Variants in FAM83D observed in about 807,000 individuals in gnomAD.
The protein encoded by FAM83D is protein FAM83D.
Under a neutral mutation model 25.4 loss-of-function variants are expected in FAM83D, and 26 were observed. The observed-to-expected ratio is 1.02, with a 90% CI of 0.75 to 1.42. The LOEUF (loss-of-function observed/expected upper bound fraction) is 1.42. Ranked by LOEUF, FAM83D falls within the 40% of genes most tolerant of loss-of-function variation. The probability of loss-of-function intolerance (pLI) is 0.00; values close to 1 mark genes in which losing one functional copy is unlikely to be tolerated. For missense variants in FAM83D, 740 were observed against 758.1 expected, an observed-to-expected ratio of 0.98 and a Z score of 0.28; for synonymous variants, 310 against 318.5, an observed-to-expected ratio of 0.97 and a Z score of 0.28.
At chr20:38,951,109 C>T (rs1225813947) in intron 3 of FAM83D, among the ~76,000 whole-genome samples, 1 of 152,212 alleles carries the variant, frequency 6.6e-6, no homozygotes, top group African/African-American at 2.4e-5. Context: ...AGTCATGAGC[C>T]ACCGCGCCTG....
chr20:38,952,556 T>C lies in FAM83D; in HGVS notation c.*36T>C. On this transcript the variant is annotated 3_prime_UTR_variant, in exon 4 of 4. Transcript: ENST00000619850. ...TTCAGACTCCTGGTTTCTTCCAGGC[T>C]TACAGTGGACATCATCAGCTTCCTG... is the stretch of plus-strand genomic sequence containing the variant. 6.3e-7 allele frequency: 1 copy of C among 1,578,688 alleles called. No homozygotes were observed. The highest frequency in any genetic ancestry group is 8.6e-7 in the Non-Finnish European group (1 of 1,161,016).
chr20:38,936,333 A>G (rs2085678957), intron 1 of FAM83D, among the ~76,000 whole-genome samples: 1 of 152,150 alleles, frequency 6.6e-6, no homozygotes. Flanking sequence ...CTGACTTCGC[A>G]GAGCTGGAAG....
intron 2 of FAM83D, among the ~76,000 whole-genome samples, chr20:38,945,879 T>C (rs1190344095): frequency 6.6e-6 from 1 of 151,804 alleles, no homozygotes; most frequent in Non-Finnish European, 1.5e-5. Flanking sequence ...GACAGACATT[T>C]GGCACTGCGC....
intron 3 of FAM83D, among the ~76,000 whole-genome samples, chr20:38,948,320 G>T (rs1256203246): frequency 6.6e-6 from 1 of 152,232 alleles, no homozygotes; most frequent in East Asian, 1.9e-4. Flanking sequence ...GCAACACACA[G>T]TCTGGAATCC....
intron 2 of FAM83D, among the ~76,000 whole-genome samples, chr20:38,947,115 C>T (rs1180647040): frequency 6.6e-6 from 1 of 152,144 alleles, no homozygotes; most frequent in Non-Finnish European, 1.5e-5. Flanking sequence ...CGATATAGAG[C>T]CACTGGTCTG....
chr20:38,930,460 T>G (rs2085654224), intron 1 of FAM83D, among the ~76,000 whole-genome samples: 1 of 151,882 alleles, frequency 6.6e-6, no homozygotes, highest in African/African-American at 2.4e-5. Context: ...GCTCTGAAGC[T>G]CAAGTGTTTT....
intron 1 of FAM83D, among the ~76,000 whole-genome samples, chr20:38,932,108 A>G (rs76737563): frequency 1.3e-5 from 2 of 152,236 alleles, no homozygotes; most frequent in Non-Finnish European, 2.9e-5. Flanking sequence ...TGGTTTGGCC[A>G]TGCGCGGTGG....
At chr20:38,940,757 A>G (rs1226096825) in intron 1 of FAM83D, among the ~76,000 whole-genome samples, 1 of 152,130 alleles carries the variant, frequency 6.6e-6, no homozygotes, top group Non-Finnish European at 1.5e-5. Flanking sequence ...TAAGCCTGCA[A>G]AAGGTGTGAT....
rs1468924942 is a variant in FAM83D at position 38,951,869 on chromosome 20, T to C, written c.1107T>C (p.Ser369=). ...KPHDCESSTV[S]EEDYFSSHRD... ...ATGACTGTGAGTCCTCTACTGTTAG[T>C]GAGGAAGACTACTTCAGCAGCCACA... The change falls in exon 4 of 4, where the codon AGT becomes AGC. Residue 369 remains serine (S), a synonymous_variant. Coordinates refer to ENST00000619850, the MANE Select transcript of FAM83D (RefSeq NM_030919.3). The C allele has an allele frequency of 6.2e-7, 1 of 1,614,000 alleles. No individual in the cohort carries two copies. The highest frequency in any genetic ancestry group is 8.5e-7 in the Non-Finnish European group (1 of 1,180,008).
chr20:38,952,195 C>T lies in FAM83D; in HGVS notation c.1433C>T (p.Ser478Phe). 1.2e-6 allele frequency: 2 copies of T among 1,614,192 alleles called. No homozygotes were observed. The highest frequency in any genetic ancestry group is 2.2e-5 in the South Asian group (2 of 91,088). The change falls in exon 4 of 4, where the codon TCC becomes TTC. Residue 478 changes from serine (S) to phenylalanine (F), a missense_variant. Physicochemically the swap from Ser to Phe is radical, Grantham distance 155. Coordinates refer to ENST00000619850, the MANE Select transcript of FAM83D (RefSeq NM_030919.3). The stretch of plus-strand genomic sequence containing the variant: ...TCGAGATCTTCCAGTTTGAAGTCTT[C>T]CTCCTCTGTGTCTTCCCAAGGCTCT... ...SVSRSSSLKS[S>F]SSVSSQGSVA...
chr20:38,947,856 C>T lies in FAM83D; in HGVS notation c.652-20C>T, dbSNP rs757591728. The T allele has an allele frequency of 2.5e-6, 4 of 1,612,554 alleles. No individual in the cohort carries two copies. In the Admixed American group the frequency reaches 6.7e-5, roughly 27 times the overall value. ...ATTGCTGAATTGTTCATTTATATTT[C>T]TCCCACTCCCTGCCAACAGTTAATG... On this transcript the variant is annotated intron_variant, in intron 2 of 3. Transcript: ENST00000619850.
In FAM83D at chr20:38,952,031, AGTC is replaced by A. The variant is rs1400027371; in HGVS notation, c.1270_1272del (p.Val424del). ...CAGCATGTGCTGGTACCCAGACTGC[AGTC>A]ATCACCAGGATAGCAAGCTCTCAAA... On this transcript the variant is annotated inframe_deletion, in exon 4 of 4. Coordinates refer to ENST00000619850, the MANE Select transcript of FAM83D (RefSeq NM_030919.3). 4 of 1,614,258 alleles carry A rather than the reference AGTC, an allele frequency of 2.5e-6. No homozygotes were observed. In the East Asian group the frequency reaches 8.9e-5, roughly 36 times the overall value.
rs2085758215 is a variant in FAM83D, at chr20:38,952,120, C to T, written c.1358C>T (p.Pro453Leu). The T allele has an allele frequency of 1.2e-6, 2 of 1,614,104 alleles. No individual in the cohort carries two copies. The highest frequency in any genetic ancestry group is 8.5e-7 in the Non-Finnish European group (1 of 1,180,052). The change falls in exon 4 of 4, where the codon CCT becomes CTT. Residue 453 changes from proline to leucine, a missense_variant. Physicochemically the swap from Pro to Leu is moderately conservative, Grantham distance 98. Transcript: ENST00000619850. Reference protein sequence around the residue: ...QTDMDENILFPRGTQSTEGSP... With the variant: ...QTDMDENILFLRGTQSTEGSP... ...GACATGGATGAGAACATTCTCTTTC[C>T]TCGAGGAACTCAATCTACAGAAGGG...
At chr20:38,931,784 A>G (rs1266034176) in intron 1 of FAM83D, among the ~76,000 whole-genome samples, 1 of 152,284 alleles carries the variant, frequency 6.6e-6, no homozygotes, top group African/African-American at 2.4e-5. Context: ...CTCTCTGACC[A>G]CACAGAATCA....
rs2085703673 is a variant in FAM83D at position 38,941,887 on chromosome 20, A to G, written c.484-72A>G. ...CATTTCCCAGTTCTGAGTGGAGTCC[A>G]GAGTCCAGAGAGCGTGCTGTAAGGT... is the stretch of plus-strand genomic sequence containing the variant. On this transcript the variant is annotated intron_variant, in intron 1 of 3. Coordinates refer to ENST00000619850, the MANE Select transcript of FAM83D (RefSeq NM_030919.3). 4 of 1,474,826 alleles carry G rather than the reference A, an allele frequency of 2.7e-6. No homozygotes were observed. The Admixed American group carries it at 6.8e-5, about 25-fold the overall frequency. The allele number at this position is 1,474,826 out of a possible 1,614,324, so 91.4% of individuals were successfully genotyped here. A position where few individuals can be genotyped will look rare whatever the true frequency, so the allele number is the denominator to read the frequency against.
intron 1 of FAM83D, among the ~76,000 whole-genome samples, chr20:38,927,148 C>A (rs758847347): frequency 3.3e-5 from 5 of 152,204 alleles, no homozygotes; most frequent in Non-Finnish European, 5.9e-5. Context: ...GGGAAAGCCT[C>A]GGTTCCCAAG....
chr20:38,938,674 T>A (rs912609406), intron 1 of FAM83D, among the ~76,000 whole-genome samples: 1 of 152,208 alleles, frequency 6.6e-6, no homozygotes, highest in African/African-American at 2.4e-5. Flanking sequence ...TCCTGTTTCC[T>A]TGTATCTGAA....
At chr20:38,934,253 A>G (rs2085669517) in intron 1 of FAM83D, among the ~76,000 whole-genome samples, 1 of 152,156 alleles carries the variant, frequency 6.6e-6, no homozygotes, top group Admixed American at 6.6e-5. Flanking sequence ...AAGGTATGTT[A>G]CTTCAGGAAA....
intron 3 of FAM83D, among the ~76,000 whole-genome samples, chr20:38,949,887 G>T (rs567274742): frequency 6.6e-6 from 1 of 152,146 alleles, no homozygotes; most frequent in Non-Finnish European, 1.5e-5. Context: ...GGACGATCTC[G>T]GCTCACTGCC....
Sources: allele counts gnomAD v4.1 joint callset (sites outside exome capture counted in the v4.1 genomes callset), GRCh38; gene constraint gnomAD v4.1.1; transcripts MANE v1.5; gene names NCBI Gene and HGNC (gene_info 2026-07-23, HGNC 2026-07-21).